Variants in WDR49 observed in about 807,000 individuals in gnomAD.
The protein encoded by WDR49 is WD repeat domain 49, also known as cilia- and flagella-associated protein 337.
WDR49 carries 107 observed loss-of-function variants against 119.5 expected under a neutral mutation model. The ratio of observed to expected loss-of-function variants is 0.90; its 90% CI spans 0.77 to 1.05. The LOEUF (loss-of-function observed/expected upper bound fraction) is 1.05. WDR49 is among the 50% of genes least tolerant of loss of function. The pLI is 0.00. For synonymous variants in WDR49, 425 were observed against 418.8 expected (o/e 1.01, Z -0.18); for missense variants, 1,240 against 1,220.5 (o/e 1.02, Z -0.24).
At chr3:167,500,104 A>G (rs1445018348) in intron 18 of WDR49, 49 bp downstream of exon 18, 1 of 1,479,216 alleles carries the variant, frequency 6.8e-7, no homozygotes, top group East Asian at 2.5e-5. Flanking sequence ...TTAAATGACT[A>G]AGTTTCCTGA....
At chr3:167,528,794 T>G (rs898456055) in intron 14 of WDR49, among the ~76,000 whole-genome samples, 9 of 152,066 alleles carry the variant, frequency 5.9e-5, no homozygotes, top group Non-Finnish European at 1.2e-4. Flanking sequence ...AATGCTGCAG[T>G]GCTTTACTAA....
intron 16 of WDR49, among the ~76,000 whole-genome samples, chr3:167,521,817 TGAAGA>T (rs1025628997): frequency 6.6e-6 from 1 of 152,096 alleles, no homozygotes; most frequent in African/African-American, 2.4e-5. Flanking sequence ...CAGAGTGATG[TGAAGA>T]GAAGAACGTC....
At chr3:167,481,608 A>G (rs1457685560) in intron 18 of WDR49, among the ~76,000 whole-genome samples, 1 of 152,220 alleles carries the variant, frequency 6.6e-6, no homozygotes, top group Non-Finnish European at 1.5e-5. Flanking sequence ...CACTGCTGAT[A>G]AAGACACACC....
intron 5 of WDR49, among the ~76,000 whole-genome samples, chr3:167,606,421 G>C (rs1330189046): frequency 1.3e-5 from 2 of 152,122 alleles, no homozygotes; most frequent in East Asian, 1.9e-4. Flanking sequence ...TTCTTCACCT[G>C]CTTCCTCAAG....
chr3:167,602,126 C>A lies in WDR49; in HGVS notation c.1275+1G>T, dbSNP rs771867369. The A allele has an allele frequency of 6.3e-7, 1 of 1,592,156 alleles. No individual in the cohort carries two copies. The highest frequency in any genetic ancestry group is 8.6e-7 in the Non-Finnish European group (1 of 1,164,498). ...TTAATTAAAAGCACAATGTTACTTA[C>A]TTTATCCTTGGAGAAGCTGAAAAGT... On this transcript the variant is annotated splice_donor_variant, in intron 7 of 18. Coordinates refer to ENST00000682715, the MANE Select transcript of WDR49 (RefSeq NM_001366157.1). LOFTEE classifies it high-confidence loss of function.
At chr3:167,645,552 T>G (rs1469099095) in intron 2 of WDR49, among the ~76,000 whole-genome samples, 1 of 152,190 alleles carries the variant, frequency 6.6e-6, no homozygotes, top group Non-Finnish European at 1.5e-5. Context: ...ATAGGAATCA[T>G]AAAAATAAAT....
chr3:167,521,968 A>AGAT (rs1752455264), intron 16 of WDR49, among the ~76,000 whole-genome samples: 1 of 41,720 alleles, frequency 2.4e-5, no homozygotes, highest in Non-Finnish European at 6.0e-5. Flanking sequence ...ATTCTAAGAT[A>AGAT]GATAGATAGA....
intron 10 of WDR49, among the ~76,000 whole-genome samples, chr3:167,541,213 T>C (rs2108252989): frequency 6.6e-6 from 1 of 152,166 alleles, no homozygotes; most frequent in East Asian, 1.9e-4. Context: ...ACCTGGGAAA[T>C]TCATCACAAA....
In WDR49 at chr3:167,592,868, G is replaced by A. The variant is rs191277835; in HGVS notation, c.1275+9259C>T. On this transcript the variant is annotated intron_variant, in intron 7 of 18. Transcript: ENST00000682715. The stretch of plus-strand genomic sequence containing the variant: ...TCTGGTAAGGTCTTTATTTCTCCAT[G>A]TTTGAAGGATATTTTTGCAAGATAT... Among the ~76,000 whole-genome samples, 146 of 152,226 alleles carry A rather than the reference G, an allele frequency of 9.6e-4. 1 individual carries two copies. The highest frequency in any genetic ancestry group is 7.8e-3 in the Admixed American group (119 of 15,282).
chr3:167,520,237 C>T (rs1457963701), intron 16 of WDR49, among the ~76,000 whole-genome samples: 2 of 147,778 alleles, frequency 1.4e-5, no homozygotes, highest in Non-Finnish European at 3.0e-5. Context: ...CAAAGCAAGA[C>T]AGCCTCAAAA....
chr3:167,606,325 C>T (rs953302076), intron 5 of WDR49, among the ~76,000 whole-genome samples: 2 of 152,140 alleles, frequency 1.3e-5, no homozygotes, highest in African/African-American at 4.8e-5. Flanking sequence ...AACCTTCTCA[C>T]TATACTCATA....
intron 18 of WDR49, among the ~76,000 whole-genome samples, chr3:167,487,533 C>A (rs1334623001): frequency 1.3e-5 from 2 of 151,868 alleles, no homozygotes; most frequent in African/African-American, 2.4e-5. Context: ...ATAAATGGAA[C>A]CTAATTAAAT....
chr3:167,578,418 A>G (rs989894757), intron 7 of WDR49, among the ~76,000 whole-genome samples: 1 of 152,054 alleles, frequency 6.6e-6, no homozygotes, highest in Non-Finnish European at 1.5e-5. Flanking sequence ...TTTCCACAAC[A>G]CTAAATAATA....
intron 16 of WDR49, among the ~76,000 whole-genome samples, chr3:167,518,322 A>G (rs1219079791): frequency 3.3e-5 from 5 of 151,582 alleles, no homozygotes; most frequent in African/African-American, 1.2e-4. Context: ...GACTTCCACA[A>G]TGGTTGAACT....
At chr3:167,612,176 A>G (rs1053187870) in intron 5 of WDR49, among the ~76,000 whole-genome samples, 3 of 152,218 alleles carry the variant, frequency 2.0e-5, no homozygotes, top group African/African-American at 7.2e-5. Flanking sequence ...TACTAACAAG[A>G]GTAATTCTGG....
At chr3:167,528,528 T>TAAATA (rs10675052) in intron 14 of WDR49, among the ~76,000 whole-genome samples, 14,201 of 147,970 alleles carry the variant, frequency 0.096, 791 homozygotes, top group East Asian at 0.19. Context: ...AAAAGTAAAA[T>TAAATA]AAATAAAATA....
chr3:167,500,806 A>G (rs1751533177), intron 17 of WDR49, among the ~76,000 whole-genome samples: 1 of 152,234 alleles, frequency 6.6e-6, no homozygotes, highest in African/African-American at 2.4e-5. Flanking sequence ...TCTTAAAGGC[A>G]AAGTCTTGAA....
In WDR49 at chr3:167,565,324, C is replaced by A. The variant is rs540531849; in HGVS notation, c.1510-5096G>T. Among the ~76,000 whole-genome samples, 6 of 149,638 alleles carry A rather than the reference C, an allele frequency of 4.0e-5. No individual in the cohort carries two copies. The South Asian group carries it at 1.3e-3, about 32-fold the overall frequency. ...CAGCAGTGAATAAGTTCTGCTCTTG[C>A]ATTTTGTCCAGGGAGAGAGGCAACA... On this transcript the variant is annotated intron_variant, in intron 8 of 18. Transcript: ENST00000682715.
At chr3:167,644,288 A>T (rs1718017069) in intron 2 of WDR49, among the ~76,000 whole-genome samples, 1 of 152,108 alleles carries the variant, frequency 6.6e-6, no homozygotes, top group African/African-American at 2.4e-5. Context: ...TTATGAAGAC[A>T]TGCCAGCATT....
Sources: allele counts gnomAD v4.1 joint callset (sites outside exome capture counted in the v4.1 genomes callset), GRCh38; gene constraint gnomAD v4.1.1; transcripts MANE v1.5; gene names NCBI Gene and HGNC (gene_info 2026-07-23, HGNC 2026-07-21).